RIGI: variants seen among roughly 807,000 people sequenced by gnomAD.
The protein encoded by RIGI is RNA sensor RIG-I, also known as antiviral innate immune response receptor RIG-I.
the RIGI span, among the ~76,000 whole-genome samples, chr9:32,484,988 GA>G: frequency 1.3e-5 from 2 of 151,666 alleles, no homozygotes; most frequent in African/African-American, 4.8e-5. Context: ...GATTTAAAAG[GA>G]AAAAAAGGAA....
chr9:32,473,139 GC>G, the RIGI span: 1 of 1,098,396 alleles, frequency 9.1e-7, no homozygotes, highest in Non-Finnish European at 1.3e-6. Context: ...TGAAATACAT[GC>G]AAAAAGAAAA....
the RIGI span, chr9:32,488,215 C>G: frequency 1.9e-6 from 3 of 1,611,526 alleles, no homozygotes; most frequent in African/African-American, 1.3e-5. Flanking sequence ...TGGGAAATGA[C>G]AGAAATTCCA....
At chr9:32,480,880 T>C in the RIGI span, among the ~76,000 whole-genome samples, 2 of 152,350 alleles carry the variant, frequency 1.3e-5, no homozygotes, top group South Asian at 4.1e-4. Flanking sequence ...AGGTGATAGC[T>C]GTCACTATAG....
chr9:32,501,299 G>T, the RIGI span, among the ~76,000 whole-genome samples: 1 of 139,304 alleles, frequency 7.2e-6, no homozygotes, highest in African/African-American at 2.7e-5. Flanking sequence ...GGGATTACAG[G>T]TGTGAGCCAC....
chr9:32,498,371 C>G, the RIGI span: 3 of 456,538 alleles, frequency 6.6e-6, no homozygotes, highest in Non-Finnish European at 1.3e-5. Flanking sequence ...AATATTTGGT[C>G]ACCCTATTCA....
the RIGI span, among the ~76,000 whole-genome samples, chr9:32,459,126 A>AT: frequency 0.41 from 62,726 of 151,784 alleles, 14,952 homozygotes; most frequent in Middle Eastern, 0.6. Flanking sequence ...TGACCTCGTG[A>AT]TCGCCCACCT....
At chr9:32,499,941 A>C in the RIGI span, among the ~76,000 whole-genome samples, 6 of 152,132 alleles carry the variant, frequency 3.9e-5, no homozygotes, top group Non-Finnish European at 7.4e-5. Context: ...GGCTTTTAAT[A>C]TTATTCTGTT....
chr9:32,487,181 C>A, the RIGI span, among the ~76,000 whole-genome samples: 1 of 152,164 alleles, frequency 6.6e-6, no homozygotes, highest in African/African-American at 2.4e-5. Flanking sequence ...TATCTGATGC[C>A]TAAATTCTCT....
At chr9:32,505,615 A>G in the RIGI span, among the ~76,000 whole-genome samples, 1 of 152,168 alleles carries the variant, frequency 6.6e-6, no homozygotes, top group Admixed American at 6.5e-5. Context: ...ATCCTCTAGA[A>G]ACCATCCTTC....
the RIGI span, chr9:32,457,440 A>G: frequency 5.6e-6 from 9 of 1,602,514 alleles, no homozygotes; most frequent in Non-Finnish European, 7.7e-6. Context: ...GGGATGGAAT[A>G]ACACACAAAA....
chr9:32,499,599 G>A, the RIGI span, among the ~76,000 whole-genome samples: 1 of 151,908 alleles, frequency 6.6e-6, no homozygotes, highest in Admixed American at 6.6e-5. Context: ...GGGATTACAG[G>A]TGCCCACCAC....
At chr9:32,465,683 T>C in the RIGI span, among the ~76,000 whole-genome samples, 1 of 152,220 alleles carries the variant, frequency 6.6e-6, no homozygotes, top group African/African-American at 2.4e-5. Context: ...CCATGGATTC[T>C]AGTGTTAAAG....
At chr9:32,457,317 C>A in the RIGI span, 1 of 1,613,988 alleles carries the variant, frequency 6.2e-7, no homozygotes, top group Non-Finnish European at 8.5e-7. Context: ...CACAGAATAT[C>A]TTTGCTCTTT....
chr9:32,492,677 C>T, the RIGI span: 3 of 937,480 alleles, frequency 3.2e-6, no homozygotes, highest in African/African-American at 3.3e-5. Flanking sequence ...ATATCCATGA[C>T]AATTTTTGCC....
the RIGI span, among the ~76,000 whole-genome samples, chr9:32,478,855 C>T: frequency 5.3e-5 from 8 of 152,090 alleles, no homozygotes; most frequent in Middle Eastern, 3.4e-3. Context: ...CCACCATGCC[C>T]GGCTTAATTT....
chr9:32,524,955 T>G, the RIGI span, among the ~76,000 whole-genome samples: 2 of 152,074 alleles, frequency 1.3e-5, no homozygotes, highest in African/African-American at 4.8e-5. Flanking sequence ...CTGTTTATCA[T>G]GAATGCAGCA....
At chr9:32,510,145 A>G in the RIGI span, among the ~76,000 whole-genome samples, 1 of 152,176 alleles carries the variant, frequency 6.6e-6, no homozygotes, top group African/African-American at 2.4e-5. Context: ...GGAGAATGGA[A>G]CCAAGTTGGA....
chr9:32,478,085 T>G, the RIGI span, among the ~76,000 whole-genome samples: 1 of 151,432 alleles, frequency 6.6e-6, no homozygotes, highest in Non-Finnish European at 1.5e-5. Flanking sequence ...CTCCTGGCAC[T>G]CAGGCTGGAG....
the RIGI span, chr9:32,476,975 A>C: frequency 6.2e-7 from 1 of 1,609,324 alleles, no homozygotes; most frequent in African/African-American, 1.3e-5. Context: ...AGGAGAAAAA[A>C]AGCTTACGTC....
Sources: gnomAD v4.1 joint callset for allele counts (sites outside exome capture counted in the v4.1 genomes callset) on GRCh38, gnomAD v4.1.1 for gene constraint, MANE v1.5 for transcripts, NCBI Gene and HGNC (gene_info 2026-07-23, HGNC 2026-07-21) for gene names.